The following CDKL1 variants were observed in gnomAD, a reference collection of about 807,000 sequenced individuals.
CDKL1 encodes cyclin-dependent kinase-like 1.
Under a neutral mutation model 42.0 loss-of-function variants are expected in CDKL1, and 41 were observed. That is an observed-to-expected ratio of 0.98 (90% CI 0.76 to 1.27). The LOEUF (loss-of-function observed/expected upper bound fraction) is 1.27. Ranked by LOEUF, CDKL1 falls within the 50% of genes most tolerant of loss-of-function variation. The pLI is 0.00. For synonymous variants in CDKL1, 153 were observed against 158.6 expected, an observed-to-expected ratio of 0.96 and a Z score of 0.26; for missense variants, 394 against 428.4, an observed-to-expected ratio of 0.92 and a Z score of 0.71.
intron 3 of CDKL1, among the ~76,000 whole-genome samples, chr14:50,354,395 T>G (rs2033994738): frequency 6.6e-6 from 1 of 152,234 alleles, no homozygotes; most frequent in African/African-American, 2.4e-5. Context: ...CCAGGAGATG[T>G]TCTTTGAACA....
chr14:50,382,786 G>A (rs1477824720), intron 2 of CDKL1, among the ~76,000 whole-genome samples: 1 of 152,082 alleles, frequency 6.6e-6, no homozygotes, highest in Non-Finnish European at 1.5e-5. Flanking sequence ...TAGAGACAAA[G>A]TTTCACTTGT....
At chr14:50,334,014 C>T (rs2033117289) in intron 8 of CDKL1, 1 of 152,030 alleles carries the variant, frequency 6.6e-6, no homozygotes, top group South Asian at 2.1e-4. Context: ...GTAAAACAAT[C>T]ACCACCCCCC....
intron 2 of CDKL1, among the ~76,000 whole-genome samples, chr14:50,379,790 C>G (rs553530682): frequency 6.6e-6 from 1 of 152,300 alleles, no homozygotes; most frequent in South Asian, 2.1e-4. Context: ...AGTTCCAGTC[C>G]AAAGTGTTGC....
intron 3 of CDKL1, chr14:50,357,925 G>T (rs2034104659): frequency 1.9e-6 from 1 of 529,100 alleles, no homozygotes; most frequent in Non-Finnish European, 3.4e-6. Context: ...GAAGAATTAG[G>T]GCTGGGAGAG....
chr14:50,341,134 C>T lies in CDKL1; in HGVS notation c.553G>A (p.Val185Ile), dbSNP rs769358368. ...GCAAAGACACAGCCAATTGCCCAAA[C>T]ATCCACCGGGGGGCCGTACTGCGTG... is the stretch of plus-strand genomic sequence containing the variant. ...GDTQYGPPVD[V>I]WAIGCVFAEL... Residue 185 changes from valine to isoleucine, a missense_variant, in exon 6 of 10, where the codon GTT (valine) becomes ATT (isoleucine). Val to Ile is a conservative substitution (Grantham distance 29, BLOSUM62 3). Transcript: ENST00000395834. The T allele has an allele frequency of 6.8e-6, 11 of 1,614,228 alleles. No individual in the cohort carries two copies. Among genetic ancestry groups the T allele is most frequent in the Middle Eastern group, 1.6e-4 (1 of 6,062 alleles).
intron 2 of CDKL1, chr14:50,377,521 C>G: frequency 8.8e-7 from 1 of 1,141,698 alleles, no homozygotes; most frequent in Non-Finnish European, 1.1e-6. Context: ...GGGAGGTGCA[C>G]AGTCTAAGAC....
intron 4 of CDKL1, chr14:50,342,941 C>A (rs1384986206): frequency 1.5e-6 from 2 of 1,356,374 alleles, no homozygotes; most frequent in African/African-American, 3.0e-5. Context: ...AGCTCTGTCC[C>A]ACACACAAGT....
chr14:50,335,737 C>G (rs1424030814), intron 7 of CDKL1: 1 of 984,810 alleles, frequency 1.0e-6, no homozygotes, highest in East Asian at 1.2e-4. Context: ...GAGCTGCCGA[C>G]TGGAGTGACT....
intron 2 of CDKL1, among the ~76,000 whole-genome samples, chr14:50,380,711 G>A (rs2034878537): frequency 6.6e-6 from 1 of 152,174 alleles, no homozygotes; most frequent in African/African-American, 2.4e-5. Context: ...GTTAAGATAT[G>A]TGTGTACCAC....
rs1232782860 is a variant in CDKL1, at chr14:50,396,101, G to C, written c.-233C>G. 3 of 1,105,356 alleles carry C rather than the reference G, an allele frequency of 2.7e-6. No homozygotes were observed. Among genetic ancestry groups the C allele is most frequent in the Non-Finnish European group, 3.4e-6 (3 of 879,942 alleles). The allele number at this position is 1,105,356 out of a possible 1,614,324, so 68.5% of individuals were successfully genotyped here. Reference sequence around the variant, plus strand: ...CTCAGGAGACTGAGGCAGGAGAATCGCGTGAACCTGGGAGGCGCAGGTTGC... The same window carrying C: ...CTCAGGAGACTGAGGCAGGAGAATCCCGTGAACCTGGGAGGCGCAGGTTGC... On this transcript the variant is annotated 5_prime_UTR_variant, in exon 2 of 10. Transcript: ENST00000395834.
At chr14:50,357,945 G>C (rs2034105050) in intron 3 of CDKL1, 1 of 635,260 alleles carries the variant, frequency 1.6e-6, no homozygotes, top group African/African-American at 1.9e-5. Flanking sequence ...GAGTGAGAAA[G>C]AACAGCCACT....
chr14:50,332,903 C>CTTTTTT (rs35560184), intron 8 of CDKL1: 17 of 263,030 alleles, frequency 6.5e-5, no homozygotes, highest in Middle Eastern at 2.2e-3. Flanking sequence ...AAATCAGCTA[C>CTTTTTT]TTTTTTTTTT....
chr14:50,353,799 A>T (rs1217129700), intron 3 of CDKL1, among the ~76,000 whole-genome samples: 1 of 152,068 alleles, frequency 6.6e-6, no homozygotes, highest in African/African-American at 2.4e-5. Context: ...AGGAGGCTGG[A>T]ACAGGAGGAT....
intron 5 of CDKL1, 91 bp downstream of exon 5, chr14:50,342,041 A>G: frequency 1.0e-6 from 1 of 976,154 alleles, no homozygotes; most frequent in South Asian, 1.3e-5. Context: ...TACAAGTACT[A>G]TCTTGTATAC....
At chr14:50,391,151 C>T (rs942635515) in intron 2 of CDKL1, among the ~76,000 whole-genome samples, 1 of 151,924 alleles carries the variant, frequency 6.6e-6, no homozygotes, top group Admixed American at 6.6e-5. Context: ...CTTGATTTAA[C>T]GTGATTTTCT....
chr14:50,367,465 C>T (rs2034465552), intron 2 of CDKL1, among the ~76,000 whole-genome samples: 1 of 152,176 alleles, frequency 6.6e-6, no homozygotes, highest in Non-Finnish European at 1.5e-5. Flanking sequence ...AGGTGTCCAT[C>T]ATAGCCCCAA....
rs1019948226 is a variant in CDKL1, at chr14:50,326,658, T to C, written c.*3416A>G. The C allele has an allele frequency of 7.6e-5, 75 of 985,242 alleles. No homozygotes were observed. The highest frequency in any genetic ancestry group is 8.7e-5 in the Non-Finnish European group (72 of 829,858). 61.0% of individuals were successfully genotyped at this position (985,242 alleles called of 1,614,324 possible). ...TTTATTAAAACTGGACATAGATACT[T>C]GGCTGAATACAAATAGTTTTGCAGA... On this transcript the variant is annotated 3_prime_UTR_variant, in exon 10 of 10. Coordinates refer to ENST00000395834, the MANE Select transcript of CDKL1 (RefSeq NM_004196.7).
At chr14:50,382,024 CA>C (rs2034924241) in intron 2 of CDKL1, among the ~76,000 whole-genome samples, 1 of 152,098 alleles carries the variant, frequency 6.6e-6, no homozygotes, top group African/African-American at 2.4e-5. Context: ...CAATTTTACC[CA>C]AGAGTGTTTT....
chr14:50,368,750 C>T (rs1049549300), intron 2 of CDKL1, among the ~76,000 whole-genome samples: 1 of 152,078 alleles, frequency 6.6e-6, no homozygotes, highest in Non-Finnish European at 1.5e-5. Flanking sequence ...CGTCAGCCCT[C>T]TGTCTTCATT....
Sources: gnomAD v4.1 joint callset for allele counts (sites outside exome capture counted in the v4.1 genomes callset) on GRCh38, gnomAD v4.1.1 for gene constraint, MANE v1.5 for transcripts, NCBI Gene and HGNC (gene_info 2026-07-23, HGNC 2026-07-21) for gene names.